The following UROC1 variants were observed in gnomAD, a reference collection of about 807,000 sequenced individuals.
UROC1 encodes the protein urocanate hydratase.
Under a neutral mutation model 89.5 loss-of-function variants are expected in UROC1, and 79 were observed. The ratio of observed to expected loss-of-function variants is 0.88; its 90% CI spans 0.74 to 1.06. The LOEUF is 1.06. Ranked by LOEUF, UROC1 falls within the 50% of genes least tolerant of loss-of-function variation. UROC1 has a pLI of 0.00. For missense variants in UROC1, 885 were observed against 907.8 expected (o/e 0.97, Z 0.32); for synonymous variants, 361 against 354.8 (o/e 1.02, Z -0.20).
intron 17 of UROC1, 93 bp from the exon 18 acceptor site, chr3:126,488,372 C>T: frequency 6.8e-7 from 1 of 1,469,096 alleles, no homozygotes; most frequent in South Asian, 1.1e-5. Context: ...GCCAGCACTG[C>T]TAGGCCAGAA....
At chr3:126,503,610 C>A (rs950102825) in intron 9 of UROC1, among the ~76,000 whole-genome samples, 1 of 152,216 alleles carries the variant, frequency 6.6e-6, no homozygotes, top group African/African-American at 2.4e-5. Context: ...GGTGGCTCTG[C>A]GAGCCCACAC....
rs540900815 is a variant in UROC1, at chr3:126,514,846, T to C, written c.126+2748A>G. The stretch of plus-strand genomic sequence containing the variant: ...ATTGTTTTCATCTTCAGCTTACAAA[T>C]GCCAAAAAATAAGGCCCCGGTGACT... On this transcript the variant is annotated intron_variant, in intron 1 of 19. Transcript: ENST00000290868. 1.5e-4 allele frequency among the ~76,000 whole-genome samples: 23 copies of C among 152,060 alleles called. No homozygotes were observed. The South Asian group carries it at 4.6e-3, about 30-fold the overall frequency.
intron 16 of UROC1, among the ~76,000 whole-genome samples, chr3:126,491,041 C>A (rs1048110702): frequency 3.9e-5 from 6 of 152,184 alleles, no homozygotes; most frequent in Admixed American, 3.9e-4. Flanking sequence ...CTGGGATGCC[C>A]TGTGCTCTTG....
intron 3 of UROC1, among the ~76,000 whole-genome samples, chr3:126,508,966 C>A (rs1387782992): frequency 6.6e-6 from 1 of 152,156 alleles, no homozygotes; most frequent in African/African-American, 2.4e-5. Context: ...TCATGAGTGG[C>A]TTTTCAGCTC....
At chr3:126,502,077 TG>T in intron 9 of UROC1, 2 of 921,884 alleles carry the variant, frequency 2.2e-6, no homozygotes, top group Non-Finnish European at 3.1e-6. Context: ...TGTATGTGTG[TG>T]TGTTCATGTG....
At chr3:126,483,020 G>T (rs770297587) in intron 19 of UROC1, among the ~76,000 whole-genome samples, 1 of 152,160 alleles carries the variant, frequency 6.6e-6, no homozygotes, top group Non-Finnish European at 1.5e-5. Flanking sequence ...TCCGCCAGAA[G>T]CCCTGCAGCT....
At chr3:126,486,240 C>A (rs1226828195) in intron 18 of UROC1, among the ~76,000 whole-genome samples, 9 of 152,282 alleles carry the variant, frequency 5.9e-5, no homozygotes, top group Non-Finnish European at 7.3e-5. Context: ...TCGGTGGCCA[C>A]TGGAACTGAC....
rs139704433 is a variant in UROC1 at position 126,510,822 on chromosome 3, G to A, written c.127-28C>T. On this transcript the variant is annotated intron_variant, in intron 1 of 19. Coordinates refer to ENST00000290868, the MANE Select transcript of UROC1 (RefSeq NM_144639.3). ...GGGGTAGGAGAGCGGAGAGGCAGTC[G>A]GGGCTGGGACTCCAGGCCCGGTGTT... 1.8e-3 allele frequency: 2,862 copies of A among 1,608,182 alleles called. 2 individuals are homozygous for A. The highest frequency in any genetic ancestry group is 3.7e-3 in the Middle Eastern group (21 of 5,638).
intron 12 of UROC1, 102 bp from the exon 13 acceptor site, chr3:126,499,511 G>T: frequency 8.8e-7 from 1 of 1,140,890 alleles, no homozygotes; most frequent in Non-Finnish European, 1.3e-6. Flanking sequence ...GGGGAAGGAT[G>T]CACAAGGTCT....
rs554501209 is a variant in UROC1, at chr3:126,504,394, A to G, written c.814-311T>C. Among the ~76,000 whole-genome samples the G allele has an allele frequency of 9.2e-5, 14 of 152,314 alleles. No homozygotes were observed. The South Asian group carries it at 1.0e-3, about 11-fold the overall frequency. ...CTTGCAGATAAGAACATCGATTTCA[A>G]CTAAGACTGACCAATGAGATAAAAG... On this transcript the variant is annotated intron_variant, in intron 8 of 19. Coordinates refer to ENST00000290868, the MANE Select transcript of UROC1 (RefSeq NM_144639.3).
chr3:126,517,715 G>C lies in UROC1; in HGVS notation c.5C>G (p.Ser2Cys). Residue 2 changes from serine (S) to cysteine (C), a missense_variant, in exon 1 of 20, where the codon TCT becomes TGT. Transcript: ENST00000290868. Reference protein sequence around the residue: MSSLQALCSGLP... With the variant: MCSLQALCSGLP... ...GCCAGAGCACAGCGCCTGGAGGCTA[G>C]ACATGTGTGACTGAGATGGAGGCAG... is the stretch of plus-strand genomic sequence containing the variant. The C allele has an allele frequency of 6.4e-7, 1 of 1,574,128 alleles. No individual in the cohort carries two copies. The highest frequency in any genetic ancestry group is 1.4e-5 in the African/African-American group (1 of 74,066).
At chr3:126,489,568 G>A (rs1339761937) in intron 16 of UROC1, among the ~76,000 whole-genome samples, 193 bp from the exon 17 acceptor site, 1 of 152,182 alleles carries the variant, frequency 6.6e-6, no homozygotes, top group African/African-American at 2.4e-5. Context: ...GCACTCGTGT[G>A]TAATACATGT....
At position 126,500,288 on chromosome 3, in the gene UROC1, C is replaced by T. The variant is rs532532215; in HGVS notation, c.1146-134G>A. 2.3e-4 allele frequency: 194 copies of T among 831,292 alleles called. No homozygotes were observed. In the African/African-American group the frequency reaches 2.8e-3, roughly 12 times the overall value. 51.5% of individuals were successfully genotyped at this position (831,292 alleles called of 1,614,324 possible). A position where few individuals can be genotyped will look rare whatever the true frequency, so the allele number is the denominator to read the frequency against. ...CCTGGACTGCTCCTGCTCCTCGGGT[C>T]GGCACCACACACCTGGAATGCCCCT... is the stretch of plus-strand genomic sequence containing the variant. On this transcript the variant is annotated intron_variant, in intron 11 of 19. Coordinates refer to ENST00000290868, the MANE Select transcript of UROC1 (RefSeq NM_144639.3).
intron 15 of UROC1, among the ~76,000 whole-genome samples, chr3:126,493,315 GCA>G (rs1396827739): frequency 6.6e-6 from 1 of 152,212 alleles, no homozygotes; most frequent in Non-Finnish European, 1.5e-5. Flanking sequence ...AGAGATATGT[GCA>G]CACACACGTT....
chr3:126,495,488 G>T (rs114222216), intron 15 of UROC1, among the ~76,000 whole-genome samples: 1 of 152,098 alleles, frequency 6.6e-6, no homozygotes, highest in South Asian at 2.1e-4. Flanking sequence ...ACTCCCTTCC[G>T]TTTGAGGCCG....
intron 11 of UROC1, 123 bp from the exon 12 acceptor site, chr3:126,500,277 G>C: frequency 1.1e-6 from 1 of 928,094 alleles, no homozygotes; most frequent in Non-Finnish European, 1.7e-6. Flanking sequence ...GACTGCTCCT[G>C]CTCCTCGGGT....
At chr3:126,499,678 G>C (rs528804546) in intron 12 of UROC1, among the ~76,000 whole-genome samples, 1 of 152,238 alleles carries the variant, frequency 6.6e-6, no homozygotes, top group African/African-American at 2.4e-5. Flanking sequence ...GGGCTGGGGG[G>C]GCTTCCCACT....
At chr3:126,495,331 C>T (rs1345664189) in intron 15 of UROC1, among the ~76,000 whole-genome samples, 2 of 152,204 alleles carry the variant, frequency 1.3e-5, no homozygotes, top group Non-Finnish European at 2.9e-5. Context: ...CCCCTGGCAC[C>T]CACCATTCTG....
chr3:126,504,938 G>A lies in UROC1; in HGVS notation c.813+763C>T, dbSNP rs80061335. On this transcript the variant is annotated intron_variant, in intron 8 of 19. Transcript: ENST00000290868. ...GCCTGATGGGGGGTGTTTGGGTCAT[G>A]GGGCAGCTTCCTCATGAATGGCTTG... Among the ~76,000 whole-genome samples the A allele has an allele frequency of 3.3e-3, 500 of 152,282 alleles. 5 individuals are homozygous for A. Among genetic ancestry groups the A allele is most frequent in the African/African-American group, 0.01 (434 of 41,544 alleles).
Sources: allele counts gnomAD v4.1 joint callset (sites outside exome capture counted in the v4.1 genomes callset), GRCh38; gene constraint gnomAD v4.1.1; transcripts MANE v1.5; gene names NCBI Gene and HGNC (gene_info 2026-07-23, HGNC 2026-07-21).